SLC27A1: variants seen among roughly 807,000 people sequenced by gnomAD.
SLC27A1 encodes solute carrier family 27 member 1.
Under a neutral mutation model 62.2 loss-of-function variants are expected in SLC27A1, and 61 were observed. The ratio of observed to expected loss-of-function variants is 0.98; its 90% CI spans 0.80 to 1.21. SLC27A1 has a LOEUF of 1.21. Ranked by LOEUF, SLC27A1 falls within the 50% of genes most tolerant of loss-of-function variation. The pLI is 0.00. For synonymous variants in SLC27A1, 435 were observed against 408.6 expected, an observed-to-expected ratio of 1.06 and a Z score of -0.78; for missense variants, 903 against 932.1, an observed-to-expected ratio of 0.97 and a Z score of 0.41.
At position 17,487,191 on chromosome 19, in the gene SLC27A1, G is replaced by A. The variant is rs1599653375; in HGVS notation, c.580G>A (p.Gly194Arg). 1 of 1,614,038 alleles carries A rather than the reference G, an allele frequency of 6.2e-7. No individual in the cohort carries two copies. Residue 194 changes from glycine (G) to arginine (R), a missense_variant, in exon 3 of 12, where the codon GGG (glycine) becomes AGG (arginine). Gly to Arg is a moderately radical substitution (Grantham distance 125). Transcript: ENST00000252595. ...GACCACAGCGGTGGCCGAAGTGAGC[G>A]GGCATCTGGGGAAAAGTTTGATCAA... is the stretch of plus-strand genomic sequence containing the variant. ...EMVAAVAEVSGHLGKSLIKFC... is the reference protein window; with the variant it reads ...EMVAAVAEVSRHLGKSLIKFC...
At chr19:17,479,904 A>G (rs539689719) in intron 1 of SLC27A1, among the ~76,000 whole-genome samples, 2 of 152,110 alleles carry the variant, frequency 1.3e-5, no homozygotes, top group African/African-American at 4.8e-5. Flanking sequence ...TTGGCCTCAC[A>G]AAGTGCTGGG....
At chr19:17,473,579 C>T (rs559785268) in intron 1 of SLC27A1, among the ~76,000 whole-genome samples, 4 of 152,172 alleles carry the variant, frequency 2.6e-5, no homozygotes, top group East Asian at 3.9e-4. Context: ...AAAATTAACT[C>T]GGCTGGGCGC....
Position 17,504,554 on chromosome 19 carries a change from A to C in SLC27A1, c.1883A>C (p.Tyr628Ser). 1 of 1,614,136 alleles carries C rather than the reference A, an allele frequency of 6.2e-7. No homozygotes were observed. Among genetic ancestry groups the C allele is most frequent in the Non-Finnish European group, 8.5e-7 (1 of 1,180,020 alleles). Reference sequence around the variant, plus strand: ...TTCCTGGACCTGAAGCAGGGCCACTACCTGCCCTTAAATGAGGCAGTCTAC... The same window carrying C: ...TTCCTGGACCTGAAGCAGGGCCACTCCCTGCCCTTAAATGAGGCAGTCTAC... ...LFFLDLKQGH[Y>S]LPLNEAVYTR... Residue 628 changes from tyrosine (Y) to serine (S), a missense_variant, in exon 12 of 12, where the codon TAC becomes TCC. Coordinates refer to ENST00000252595, the MANE Select transcript of SLC27A1 (RefSeq NM_198580.3).
rs2075064756 is a variant in SLC27A1, at chr19:17,470,567, C to T, written c.27C>T (p.Ala9=). The part of the protein sequence containing the change: MRAPGAGA[A]SVVSLALLWL... ...TGCGGGCTCCGGGTGCGGGCGCGGC[C>T]TCGGTGGTCTCGCTGGCGCTGTTGT... The change falls in exon 1 of 12, where the codon GCC becomes GCT. Residue 9 remains alanine (A), a synonymous_variant. Coordinates refer to ENST00000252595, the MANE Select transcript of SLC27A1 (RefSeq NM_198580.3). 4 of 1,567,024 alleles carry T rather than the reference C, an allele frequency of 2.6e-6. No homozygotes were observed. Among genetic ancestry groups the T allele is most frequent in the East Asian group, 2.3e-5 (1 of 42,776 alleles).
At chr19:17,471,800 G>T (rs979235395) in intron 1 of SLC27A1, among the ~76,000 whole-genome samples, 1 of 152,134 alleles carries the variant, frequency 6.6e-6, no homozygotes, top group African/African-American at 2.4e-5. Flanking sequence ...CTCCTTGGTT[G>T]TTCTGATGTG....
intron 1 of SLC27A1, among the ~76,000 whole-genome samples, chr19:17,471,963 A>G (rs1356127342): frequency 6.6e-6 from 1 of 152,194 alleles, no homozygotes; most frequent in Non-Finnish European, 1.5e-5. Context: ...CCTGGTCTTC[A>G]GAAAGACTTG....
intron 11 of SLC27A1, among the ~76,000 whole-genome samples, chr19:17,502,892 C>G (rs1463790089): frequency 5.3e-5 from 8 of 151,958 alleles, no homozygotes; most frequent in Admixed American, 5.3e-4. Context: ...TGTATTAGTC[C>G]ATTCTCATGC....
chr19:17,469,666 C>G (rs2075053941), upstream of SLC27A1, among the ~76,000 whole-genome samples: 1 of 152,008 alleles, frequency 6.6e-6, no homozygotes, highest in South Asian at 2.1e-4. Flanking sequence ...CGGCCGGCCT[C>G]GGCTCTGCGG....
chr19:17,486,849 G>A lies in SLC27A1; in HGVS notation c.454G>A (p.Gly152Ser), dbSNP rs539691728. The A allele has an allele frequency of 6.3e-7, 1 of 1,587,310 alleles. No individual in the cohort carries two copies. The highest frequency in any genetic ancestry group is 8.5e-7 in the Non-Finnish European group (1 of 1,172,554). The stretch of plus-strand genomic sequence containing the variant: ...GCTGTGGCTGGGCCTGGCCAAGGCG[G>A]GCATGGAGGCCGCGCTGCTCAACGT... ...VGLWLGLAKA[G>S]MEAALLNVNL... The change falls in exon 2 of 12, where the codon GGC becomes AGC. Residue 152 changes from glycine (G) to serine (S), a missense_variant. Physicochemically the swap from Gly to Ser is moderately conservative, Grantham distance 56. Coordinates refer to ENST00000252595, the MANE Select transcript of SLC27A1 (RefSeq NM_198580.3). This position sits in a 1 kb window ranked among gnomAD's most constrained non-coding sequence, Gnocchi z 6.6.
chr19:17,481,091 A>C (rs939421567), intron 1 of SLC27A1, among the ~76,000 whole-genome samples: 4 of 150,126 alleles, frequency 2.7e-5, no homozygotes, highest in Non-Finnish European at 3.0e-5. Context: ...ACGCCCGGCC[A>C]ATTTTGTAAT....
At position 17,500,546 on chromosome 19, in the gene SLC27A1, G is replaced by A. The variant is rs767737351; in HGVS notation, c.1385G>A (p.Arg462His). 13 of 1,613,466 alleles carry A rather than the reference G, an allele frequency of 8.1e-6. No homozygotes were observed. Among genetic ancestry groups the A allele is most frequent in the South Asian group, 1.1e-5 (1 of 91,010 alleles). The change falls in exon 9 of 12, where the codon CGC becomes CAC. Residue 462 changes from arginine (R) to histidine (H), a missense_variant. Transcript: ENST00000252595. Reference sequence around the variant, plus strand: ...ATCAACCAACAGGACCCGCTGCGCCGCTTCGATGGCTATGTCAGCGAGAGC... The same window carrying A: ...ATCAACCAACAGGACCCGCTGCGCCACTTCGATGGCTATGTCAGCGAGAGC... ...GQINQQDPLR[R>H]FDGYVSESAT...
intron 1 of SLC27A1, among the ~76,000 whole-genome samples, chr19:17,473,121 C>T (rs183257837): frequency 3.3e-5 from 5 of 151,998 alleles, no homozygotes; most frequent in African/African-American, 7.3e-5. Context: ...TTTGTAGAGA[C>T]GTGGTTCTGC....
chr19:17,502,947 G>C (rs1160933487), intron 11 of SLC27A1, among the ~76,000 whole-genome samples: 1 of 152,192 alleles, frequency 6.6e-6, no homozygotes, highest in Non-Finnish European at 1.5e-5. Flanking sequence ...ATAAAGGAAA[G>C]AGGTTTAATG....
At chr19:17,474,138 C>T (rs2144541557) in intron 1 of SLC27A1, among the ~76,000 whole-genome samples, 1 of 152,220 alleles carries the variant, frequency 6.6e-6, no homozygotes, top group East Asian at 1.9e-4. Context: ...AAGGAGAGGT[C>T]TCACTATGTT....
chr19:17,474,958 C>T (rs2075109061), intron 1 of SLC27A1, among the ~76,000 whole-genome samples: 1 of 150,652 alleles, frequency 6.6e-6, no homozygotes, highest in Non-Finnish European at 1.5e-5. Flanking sequence ...CTTGCTCTGC[C>T]ACCCGGGCTG....
Position 17,498,586 on chromosome 19 carries a change from CT to C in SLC27A1, c.1206+1123del, listed in dbSNP as rs542143454. On this transcript the variant is annotated intron_variant, in intron 7 of 11. Transcript: ENST00000252595. The stretch of plus-strand genomic sequence containing the variant: ...CCACAGGGTCGGTGGGTTTTTCTCC[CT>C]GTGTGCGGAGACGAGAGATTGTAGA... The C allele has an allele frequency of 1.6e-4, 31 of 189,624 alleles. No homozygotes were observed. In the South Asian group the frequency reaches 5.4e-3, roughly 33 times the overall value. The allele number at this position is 189,624 out of a possible 1,614,324, so 11.7% of individuals were successfully genotyped here. A position where few individuals can be genotyped will look rare whatever the true frequency, so the allele number is the denominator to read the frequency against.
At chr19:17,489,235 C>A in intron 6 of SLC27A1, 118 bp downstream of exon 6, 1 of 823,208 alleles carries the variant, frequency 1.2e-6, no homozygotes, top group Non-Finnish European at 2.0e-6. Context: ...AGCCCCACCT[C>A]CTCCTGGTCA....
chr19:17,469,490 C>T (rs1395253081), upstream of SLC27A1, among the ~76,000 whole-genome samples: 1 of 152,090 alleles, frequency 6.6e-6, no homozygotes, highest in Non-Finnish European at 1.5e-5. Context: ...GAGCCACGCC[C>T]CAAGGCTGCA....
intron 1 of SLC27A1, among the ~76,000 whole-genome samples, chr19:17,471,193 A>T (rs531068670): frequency 2.0e-5 from 3 of 151,826 alleles, no homozygotes; most frequent in African/African-American, 7.3e-5. Flanking sequence ...TTGCCAAGAC[A>T]CTTTGGGTCT....
Sources: allele counts gnomAD v4.1 joint callset (sites outside exome capture counted in the v4.1 genomes callset), GRCh38; gene constraint gnomAD v4.1.1; non-coding constraint Gnocchi (gnomAD v3.1); transcripts MANE v1.5; gene names NCBI Gene and HGNC (gene_info 2026-07-23, HGNC 2026-07-21).